The following GAREM1 variants were observed in gnomAD, a reference collection of about 807,000 sequenced individuals.
GAREM1 encodes GRB2 associated regulator of MAPK1 subtype 1, also known as GRB2-associated and regulator of MAPK protein 1.
GAREM1 carries 26 observed loss-of-function variants against 71.3 expected under a neutral mutation model. The observed-to-expected ratio is 0.36, with a 90% CI of 0.27 to 0.51. The LOEUF (loss-of-function observed/expected upper bound fraction) is 0.51, where lower values mean the gene tolerates loss of function less well. Ranked by LOEUF, GAREM1 falls within the 20% of genes least tolerant of loss-of-function variation. The pLI is 0.95. For synonymous variants in GAREM1, 440 were observed against 433.2 expected (o/e 1.02, Z -0.20); for missense variants, 1,026 against 1,103.1 (o/e 0.93, Z 0.99).
intron 2 of GAREM1, among the ~76,000 whole-genome samples, chr18:32,361,009 A>C (rs554758671): frequency 6.6e-6 from 1 of 152,352 alleles, no homozygotes; most frequent in Non-Finnish European, 1.5e-5. Context: ...TCTTTTTAGA[A>C]ATAATAAAAT....
intron 2 of GAREM1, among the ~76,000 whole-genome samples, chr18:32,388,329 G>A (rs1206483999): frequency 1.3e-5 from 2 of 152,190 alleles, no homozygotes; most frequent in Admixed American, 6.5e-5. Context: ...GAATGGTGGA[G>A]TTAAGTTAGA....
intron 4 of GAREM1, among the ~76,000 whole-genome samples, chr18:32,272,759 G>C (rs1287439707): frequency 6.6e-6 from 1 of 152,164 alleles, no homozygotes; most frequent in East Asian, 1.9e-4. Context: ...GAGTAGCTGG[G>C]ATCACAGGCA....
intron 3 of GAREM1, among the ~76,000 whole-genome samples, chr18:32,294,615 AT>A (rs1215866605): frequency 6.6e-6 from 1 of 152,118 alleles, no homozygotes; most frequent in Non-Finnish European, 1.5e-5. Context: ...CAGATCTTTT[AT>A]TTCCCTTATT....
chr18:32,314,327 T>C (rs1312806633), intron 2 of GAREM1, among the ~76,000 whole-genome samples: 1 of 152,170 alleles, frequency 6.6e-6, no homozygotes, highest in Admixed American at 6.5e-5. Flanking sequence ...TTTCCATTCT[T>C]ACATGATTAG....
At position 32,268,147 on chromosome 18, in the gene GAREM1, A is replaced by G; in HGVS notation, c.2355T>C (p.Ser785=). The change falls in exon 6 of 6, where the codon TCT becomes TCC. Residue 785 remains serine, a synonymous_variant. Coordinates refer to ENST00000269209, the MANE Select transcript of GAREM1 (RefSeq NM_001242409.2). ...DIFSASYPFS[S]PLHLQLAPRS... is the part of the protein sequence containing the mutation. ...TGGGGGCCAGCTGGAGATGGAGCGG[A>G]GATGAGAAAGGGTAGGAGGCAGAGA... 6.2e-7 allele frequency: 1 copy of G among 1,614,056 alleles called. No homozygotes were observed. Among genetic ancestry groups the G allele is most frequent in the Non-Finnish European group, 8.5e-7 (1 of 1,180,020 alleles).
chr18:32,464,175 C>A (rs1013021890), intron 1 of GAREM1, among the ~76,000 whole-genome samples: 4 of 151,778 alleles, frequency 2.6e-5, no homozygotes, highest in African/African-American at 9.7e-5. Flanking sequence ...CCTGTAAGCC[C>A]AGCTACTTGG....
At chr18:32,330,014 CAAAA>C (rs59670520) in intron 2 of GAREM1, among the ~76,000 whole-genome samples, 2 of 151,916 alleles carry the variant, frequency 1.3e-5, no homozygotes, top group Non-Finnish European at 2.9e-5. Flanking sequence ...AGATTTTTGA[CAAAA>C]AGAAAATAAA....
At chr18:32,395,349 TG>T (rs1476166324) in intron 1 of GAREM1, among the ~76,000 whole-genome samples, 1 of 152,252 alleles carries the variant, frequency 6.6e-6, no homozygotes, top group Non-Finnish European at 1.5e-5. Context: ...CCAAGATCGC[TG>T]CCCTAGGGCA....
At position 32,359,234 on chromosome 18, in the gene GAREM1, C is replaced by A. The variant is rs188164931; in HGVS notation, c.262+33661G>T. On this transcript the variant is annotated intron_variant, in intron 2 of 5. Coordinates refer to ENST00000269209, the MANE Select transcript of GAREM1 (RefSeq NM_001242409.2). ...GCAGCCCATGCCCCATACCTCCCAC[C>A]TGATTCCTTCTCCCTAGAGGTGTGT... is the stretch of plus-strand genomic sequence containing the variant. Among the ~76,000 whole-genome samples, 5 of 152,318 alleles carry A rather than the reference C, an allele frequency of 3.3e-5. No homozygotes were observed. In the East Asian group the frequency reaches 9.6e-4, roughly 29 times the overall value.
At chr18:32,427,115 T>A (rs930633541) in intron 1 of GAREM1, among the ~76,000 whole-genome samples, 1 of 152,170 alleles carries the variant, frequency 6.6e-6, no homozygotes, top group African/African-American at 2.4e-5. Context: ...CCCATGGTAG[T>A]TTCTGGGAGC....
chr18:32,416,340 G>A (rs2048466048), intron 1 of GAREM1, among the ~76,000 whole-genome samples: 1 of 152,092 alleles, frequency 6.6e-6, no homozygotes, highest in Admixed American at 6.6e-5. Flanking sequence ...AAATACCAAT[G>A]TCATTCTTCA....
chr18:32,327,689 G>A (rs1345791075), intron 2 of GAREM1, among the ~76,000 whole-genome samples: 6 of 152,196 alleles, frequency 3.9e-5, no homozygotes, highest in African/African-American at 1.4e-4. Flanking sequence ...ACAACGTGGT[G>A]TTCAAATATT....
intron 2 of GAREM1, among the ~76,000 whole-genome samples, chr18:32,330,052 C>A: frequency 6.6e-6 from 1 of 152,100 alleles, no homozygotes; most frequent in East Asian, 1.9e-4. Context: ...AAGATGCCTG[C>A]ACTCATATGT....
intron 2 of GAREM1, chr18:32,331,710 T>G (rs2047536711): frequency 6.6e-6 from 1 of 152,124 alleles, no homozygotes; most frequent in African/African-American, 2.4e-5. Context: ...CTTTGAGAAC[T>G]CCTGGCCTAA....
At chr18:32,456,136 GAAAATTT>G (rs927710904) in intron 1 of GAREM1, among the ~76,000 whole-genome samples, 31 of 152,092 alleles carry the variant, frequency 2.0e-4, no homozygotes, top group African/African-American at 7.5e-4. Flanking sequence ...CTGTATATGT[GAAAATTT>G]AAAACTCTTA....
At chr18:32,413,942 C>T (rs945142340) in intron 1 of GAREM1, among the ~76,000 whole-genome samples, 1 of 152,068 alleles carries the variant, frequency 6.6e-6, no homozygotes, top group African/African-American at 2.4e-5. Flanking sequence ...ATCACTTTGA[C>T]ACTTAGTCAT....
chr18:32,383,846 T>C (rs2048119651), intron 2 of GAREM1, among the ~76,000 whole-genome samples: 1 of 152,106 alleles, frequency 6.6e-6, no homozygotes, highest in Non-Finnish European at 1.5e-5. Context: ...ATACTTTCTG[T>C]TTGTAGATTC....
chr18:32,295,303 A>T (rs2047129614), intron 3 of GAREM1, among the ~76,000 whole-genome samples: 1 of 152,178 alleles, frequency 6.6e-6, no homozygotes, highest in African/African-American at 2.4e-5. Context: ...AAATAATTCT[A>T]CATGCTTGAA....
At chr18:32,307,133 G>A (rs890181932) in intron 3 of GAREM1, among the ~76,000 whole-genome samples, 3 of 152,170 alleles carry the variant, frequency 2.0e-5, no homozygotes, top group African/African-American at 7.2e-5. Context: ...TAATACTTTT[G>A]CTTTATTTTA....
Sources: allele counts gnomAD v4.1 joint callset (sites outside exome capture counted in the v4.1 genomes callset), GRCh38; gene constraint gnomAD v4.1.1; transcripts MANE v1.5; gene names NCBI Gene and HGNC (gene_info 2026-07-23, HGNC 2026-07-21).